NIN: variants seen among roughly 807,000 people sequenced by gnomAD.
NIN encodes ninein.
A neutral mutation model predicts 257.6 loss-of-function variants in NIN; 137 were observed. That is an observed-to-expected ratio of 0.53 (90% CI 0.46 to 0.61). The LOEUF is 0.61. NIN is among the 20% of genes least tolerant of loss of function. The pLI is 0.00. For synonymous variants in NIN, 918 were observed against 919.8 expected (o/e 1.00, Z 0.04); for missense variants, 2,439 against 2,501.2 (o/e 0.98, Z 0.53).
At chr14:50,786,291 A>G (rs1321970018) in intron 5 of NIN, among the ~76,000 whole-genome samples, 4 of 152,202 alleles carry the variant, frequency 2.6e-5, no homozygotes, top group Non-Finnish European at 1.5e-5. Context: ...GATATGTAGG[A>G]CAGAAAATGT....
chr14:50,772,562 G>A (rs1292088452), intron 8 of NIN, 94 bp from the exon 9 acceptor site: 2 of 1,101,102 alleles, frequency 1.8e-6, no homozygotes, highest in Non-Finnish European at 2.7e-6. Context: ...TAGAAGGCAT[G>A]TTTCTCTAAT....
chr14:50,743,583 C>T lies in NIN; in HGVS notation c.5188-54G>A, dbSNP rs1297515203. On this transcript the variant is annotated intron_variant, in intron 23 of 30. Coordinates refer to ENST00000530997, the MANE Select transcript of NIN (RefSeq NM_020921.4). ...AGGGCATTTTTGCAAACATAGCTAG[C>T]CTTAATTTATATGCCTGCACTTACA... 3 of 1,065,086 alleles carry T rather than the reference C, an allele frequency of 2.8e-6. No homozygotes were observed. The Admixed American group carries it at 5.2e-5, about 19-fold the overall frequency. 66.0% of individuals were successfully genotyped at this position (1,065,086 alleles called of 1,614,324 possible).
chr14:50,762,507 G>A (rs942384885), intron 15 of NIN, among the ~76,000 whole-genome samples: 5 of 152,068 alleles, frequency 3.3e-5, no homozygotes, highest in African/African-American at 1.2e-4. Context: ...TCATATTTTA[G>A]CTATTATCAG....
At chr14:50,780,913 C>T (rs760374987) in intron 5 of NIN, among the ~76,000 whole-genome samples, 7 of 152,216 alleles carry the variant, frequency 4.6e-5, no homozygotes, top group Non-Finnish European at 1.0e-4. Flanking sequence ...TCTCTCCAAT[C>T]TAGTGGATGT....
chr14:50,770,908 G>C lies in NIN; in HGVS notation c.1203C>G (p.Ala401=). The C allele has an allele frequency of 1.9e-6, 3 of 1,614,164 alleles. No individual in the cohort carries two copies. Among genetic ancestry groups the C allele is most frequent in the Non-Finnish European group, 2.5e-6 (3 of 1,180,030 alleles). The change falls in exon 11 of 31, where the codon GCC becomes GCG. Residue 401 remains alanine (A), a synonymous_variant. Transcript: ENST00000530997. ...DKAEKLKSLM[A]SEVDDHHAAI... Reference sequence around the variant, plus strand: ...CCGCATGGTGATCATCCACCTCCGAGGCCATTAAAGACTTGAGCTTCTCGG... The same window carrying C: ...CCGCATGGTGATCATCCACCTCCGACGCCATTAAAGACTTGAGCTTCTCGG...
chr14:50,763,007 C>A (rs2042332523), intron 15 of NIN, among the ~76,000 whole-genome samples: 1 of 152,058 alleles, frequency 6.6e-6, no homozygotes, highest in South Asian at 2.1e-4. Context: ...ATTATGAGAT[C>A]CTCAGACTGG....
chr14:50,800,895 G>A (rs2044071191), intron 4 of NIN, among the ~76,000 whole-genome samples: 1 of 151,430 alleles, frequency 6.6e-6, no homozygotes, highest in African/African-American at 2.4e-5. Context: ...CGATTCTTCT[G>A]CCTCAGCCTC....
At chr14:50,752,183 C>T (rs977115801) in intron 21 of NIN, among the ~76,000 whole-genome samples, 2 of 150,192 alleles carry the variant, frequency 1.3e-5, no homozygotes, top group Non-Finnish European at 3.0e-5. Flanking sequence ...ATTTAGTCTC[C>T]TAATCCAATT....
Position 50,758,035 on chromosome 14 carries a change from C to T in NIN, c.2995G>A (p.Glu999Lys). ...AMENIHKATC[E>K]TADRERAEMS... is the part of the protein sequence containing the mutation. ...TCGGCTCTTTCTCGATCTGCTGTCT[C>T]ACAGGTCGCTTTGTGAATGTTCTCC... Residue 999 changes from glutamate (E) to lysine (K), a missense_variant, in exon 18 of 31, where the codon GAG becomes AAG. Physicochemically the swap from Glu to Lys is moderately conservative, Grantham distance 56. Around this residue, in one of 3 missense-constraint regions of NIN, gnomAD observed 2,043 missense variants for 2,050.2 expected, o/e 1.00. Coordinates refer to ENST00000530997, the MANE Select transcript of NIN (RefSeq NM_020921.4). The T allele has an allele frequency of 6.2e-7, 1 of 1,614,246 alleles. No homozygotes were observed. Among genetic ancestry groups the T allele is most frequent in the Non-Finnish European group, 8.5e-7 (1 of 1,180,050 alleles).
intron 20 of NIN, 21 bp from the exon 21 acceptor site, chr14:50,752,754 T>G: frequency 6.9e-7 from 1 of 1,439,288 alleles, no homozygotes; most frequent in Non-Finnish European, 9.5e-7. Flanking sequence ...TTAAAATAAG[T>G]TTTTCAAACT....
rs758867111 is a variant in NIN, at chr14:50,770,406, G to C, written c.1416C>G (p.Arg472=). Reference sequence around the variant, plus strand: ...TGATTACCTTTAAAGAGAGGGCAAGGCGGTCCCGGATATAGTTCTCTTCTG... The same window carrying C: ...TGATTACCTTTAAAGAGAGGGCAAGCCGGTCCCGGATATAGTTCTCTTCTG... The part of the protein sequence containing the change: ...AKTEENYIRD[R]LALSLKENSR... Residue 472 remains arginine, a synonymous_variant, in exon 12 of 31, where the codon CGC becomes CGG. Coordinates refer to ENST00000530997, the MANE Select transcript of NIN (RefSeq NM_020921.4). 1 of 1,614,078 alleles carries C rather than the reference G, an allele frequency of 6.2e-7. No homozygotes were observed. Among genetic ancestry groups the C allele is most frequent in the African/African-American group, 1.3e-5 (1 of 74,928 alleles).
intron 29 of NIN, among the ~76,000 whole-genome samples, chr14:50,727,929 C>T (rs558981357): frequency 6.6e-6 from 1 of 152,176 alleles, no homozygotes; most frequent in African/African-American, 2.4e-5. Context: ...CACACAGAAA[C>T]GTGCAGATTT....
chr14:50,829,631 G>C (rs567238125), intron 2 of NIN, among the ~76,000 whole-genome samples: 1 of 152,348 alleles, frequency 6.6e-6, no homozygotes, highest in African/African-American at 2.4e-5. Flanking sequence ...CTCAACACCA[G>C]GAGAGGATCT....
intron 27 of NIN, among the ~76,000 whole-genome samples, chr14:50,736,682 C>T (rs755951063): frequency 2.0e-5 from 3 of 152,084 alleles, no homozygotes; most frequent in Non-Finnish European, 4.4e-5. Flanking sequence ...TAAATGAAAC[C>T]CATTTTCTTT....
chr14:50,825,371 C>T (rs1438968882), intron 2 of NIN, among the ~76,000 whole-genome samples: 1 of 152,168 alleles, frequency 6.6e-6, no homozygotes, highest in Non-Finnish European at 1.5e-5. Context: ...AGAGCTTCCT[C>T]TATCTTTAAA....
At chr14:50,789,905 A>T (rs1371298758) in intron 5 of NIN, among the ~76,000 whole-genome samples, 4 of 152,348 alleles carry the variant, frequency 2.6e-5, no homozygotes, top group African/African-American at 9.6e-5. Context: ...GTAAGTAACA[A>T]GACTGATGCA....
At chr14:50,785,516 G>C (rs2043309561) in intron 5 of NIN, among the ~76,000 whole-genome samples, 1 of 152,176 alleles carries the variant, frequency 6.6e-6, no homozygotes, top group Non-Finnish European at 1.5e-5. Context: ...AAAAAGCCCT[G>C]TAAACCCAGA....
Position 50,744,283 on chromosome 14 carries a change from T to G in NIN, c.5147A>C (p.Lys1716Thr). 1 of 1,614,070 alleles carries G rather than the reference T, an allele frequency of 6.2e-7. No homozygotes were observed. The highest frequency in any genetic ancestry group is 8.5e-7 in the Non-Finnish European group (1 of 1,179,928). Residue 1716 changes from lysine (K) to threonine (T), a missense_variant, in exon 23 of 31, where the codon AAG becomes ACG. Lys to Thr is a moderately conservative substitution (Grantham distance 78). Around this residue, in one of 3 missense-constraint regions of NIN, gnomAD observed 2,043 missense variants for 2,050.2 expected, o/e 1.00. Coordinates refer to ENST00000530997, the MANE Select transcript of NIN (RefSeq NM_020921.4). ...LSYNEKLLKE[K>T]EALSEELNSC... ...ATTTAATTCCTCACTCAGAGCTTCC[T>G]TTTCTTTCAGCAGTTTTTCGTTGTA...
At chr14:50,781,577 A>G (rs954950156) in intron 5 of NIN, among the ~76,000 whole-genome samples, 4 of 152,182 alleles carry the variant, frequency 2.6e-5, no homozygotes, top group African/African-American at 9.7e-5. Flanking sequence ...TCTTCCCTGG[A>G]TTCTTACTCC....
Sources: allele counts gnomAD v4.1 joint callset (sites outside exome capture counted in the v4.1 genomes callset), GRCh38; gene constraint gnomAD v4.1.1; regional missense constraint gnomAD v4.1.1; transcripts MANE v1.5; gene names NCBI Gene and HGNC (gene_info 2026-07-23, HGNC 2026-07-21).